PAWR: variants seen among roughly 807,000 people sequenced by gnomAD.
PAWR encodes PRKC apoptosis WT1 regulator protein.
Under a neutral mutation model 32.0 loss-of-function variants are expected in PAWR, and 23 were observed. The ratio of observed to expected loss-of-function variants is 0.72; its 90% confidence interval spans 0.52 to 1.02. The LOEUF is 1.02. Among genes scored for constraint, PAWR ranks in the 50% least tolerant of loss-of-function variants. The pLI, the probability that PAWR is intolerant of heterozygous loss-of-function variation, is 0.00. For missense variants in PAWR, 457 were observed against 437.7 expected (o/e 1.04, Z -0.39); for synonymous variants, 226 against 187.1 (o/e 1.21, Z -1.70).
intron 2 of PAWR, among the ~76,000 whole-genome samples, chr12:79,657,663 G>A (rs11833683): frequency 4.3e-4 from 66 of 152,128 alleles, no homozygotes; most frequent in African/African-American, 1.4e-3. Context: ...GCGTGGTGGC[G>A]GGCGCATGTA....
At chr12:79,623,967 G>A (rs1169274955) in intron 2 of PAWR, among the ~76,000 whole-genome samples, 1 of 151,962 alleles carries the variant, frequency 6.6e-6, no homozygotes, top group Non-Finnish European at 1.5e-5. Flanking sequence ...GGGAGGAGAG[G>A]TCAATCATTT....
At chr12:79,639,885 CCA>C (rs1876228559) in intron 2 of PAWR, among the ~76,000 whole-genome samples, 1 of 77,062 alleles carries the variant, frequency 1.3e-5, no homozygotes, top group Non-Finnish European at 3.4e-5. Context: ...TATTCCTATT[CCA>C]TTCCATTCCA....
intron 2 of PAWR, among the ~76,000 whole-genome samples, chr12:79,648,283 T>A (rs1186507959): frequency 6.6e-6 from 1 of 152,130 alleles, no homozygotes; most frequent in Non-Finnish European, 1.5e-5. Context: ...TCCAAGAAGG[T>A]ACTGTGCCCA....
chr12:79,593,244 T>C (rs965985362), intron 6 of PAWR, among the ~76,000 whole-genome samples: 10 of 152,312 alleles, frequency 6.6e-5, no homozygotes, highest in African/African-American at 2.2e-4. Context: ...AGTATCTTGA[T>C]CTGGATCAAT....
chr12:79,627,920 T>C (rs1233174371), intron 2 of PAWR, among the ~76,000 whole-genome samples: 11 of 152,050 alleles, frequency 7.2e-5, no homozygotes, highest in Non-Finnish European at 1.2e-4. Context: ...TTAACAAGGA[T>C]ACCCAGGAAT....
chr12:79,639,095 T>C (rs1876154116), intron 2 of PAWR, among the ~76,000 whole-genome samples: 1 of 149,542 alleles, frequency 6.7e-6, no homozygotes, highest in Non-Finnish European at 1.5e-5. Context: ...GTATTTTTAG[T>C]AGAGACAGGG....
At chr12:79,613,051 A>G (rs910361784) in intron 4 of PAWR, among the ~76,000 whole-genome samples, 2 of 152,154 alleles carry the variant, frequency 1.3e-5, no homozygotes, top group African/African-American at 4.8e-5. Context: ...TAGTTCCTTT[A>G]TAAAGAAGGG....
intron 2 of PAWR, among the ~76,000 whole-genome samples, chr12:79,639,337 C>A (rs904780926): frequency 2.0e-4 from 31 of 152,164 alleles, no homozygotes; most frequent in Admixed American, 5.2e-4. Flanking sequence ...TTAAAATTTT[C>A]TTGGCTTCTC....
chr12:79,679,303 T>C (rs1878325299), intron 2 of PAWR, among the ~76,000 whole-genome samples: 1 of 152,074 alleles, frequency 6.6e-6, no homozygotes, highest in African/African-American at 2.4e-5. Flanking sequence ...CTGCAGCATA[T>C]GAGAGGAGTG....
chr12:79,625,332 G>A (rs1030763154), intron 2 of PAWR, among the ~76,000 whole-genome samples: 10 of 151,538 alleles, frequency 6.6e-5, no homozygotes, highest in African/African-American at 2.4e-4. Context: ...GAAATGAGGG[G>A]GAAAAAAGCA....
chr12:79,599,515 C>A (rs1437172209), intron 4 of PAWR, among the ~76,000 whole-genome samples: 1 of 152,190 alleles, frequency 6.6e-6, no homozygotes, highest in East Asian at 1.9e-4. Context: ...AAAAGTAAAG[C>A]AAAACTCCAA....
chr12:79,636,257 A>G (rs1050409606), intron 2 of PAWR, among the ~76,000 whole-genome samples: 1 of 152,134 alleles, frequency 6.6e-6, no homozygotes, highest in Non-Finnish European at 1.5e-5. Flanking sequence ...TCAATTTTAT[A>G]AAACAGAATT....
At chr12:79,642,431 G>T (rs1876369909) in intron 2 of PAWR, among the ~76,000 whole-genome samples, 1 of 152,184 alleles carries the variant, frequency 6.6e-6, no homozygotes, top group African/African-American at 2.4e-5. Context: ...GACCAGGTGG[G>T]TTACATCACA....
chr12:79,658,504 T>G (rs1057012244), intron 2 of PAWR, among the ~76,000 whole-genome samples: 1 of 152,180 alleles, frequency 6.6e-6, no homozygotes, highest in Non-Finnish European at 1.5e-5. Flanking sequence ...TAAAAACTTA[T>G]GTTTACATAC....
chr12:79,621,260 G>T, intron 2 of PAWR, 53 bp from the exon 3 acceptor site: 4 of 1,310,296 alleles, frequency 3.1e-6, no homozygotes, highest in African/African-American at 1.5e-5. Flanking sequence ...AGACTGTTTC[G>T]ATAATATGTG....
At chr12:79,604,675 C>T (rs1157290090) in intron 4 of PAWR, 1 of 1,288,740 alleles carries the variant, frequency 7.8e-7, no homozygotes, top group South Asian at 1.2e-5. Context: ...CCAACACTCC[C>T]ACTCCTCGTA....
rs145971034 is a variant in PAWR, at chr12:79,585,330, A to C, written c.*7277T>G. On this transcript the variant is annotated 3_prime_UTR_variant, in exon 7 of 7. Coordinates refer to ENST00000328827, the MANE Select transcript of PAWR (RefSeq NM_002583.4). ...TAAAACAGATTGAGCCCCATCTGCA[A>C]AGTTTGTGACTCAAGTGTTGGGTGG... 1,107 of 242,782 alleles carry C rather than the reference A, an allele frequency of 4.6e-3. 13 individuals are homozygous for C. Among genetic ancestry groups the C allele is most frequent in the African/African-American group, 0.024 (1,030 of 43,168 alleles). 15.0% of individuals were successfully genotyped at this position (242,782 alleles called of 1,614,324 possible). A position where few individuals can be genotyped will look rare whatever the true frequency, so the allele number is the denominator to read the frequency against.
intron 2 of PAWR, among the ~76,000 whole-genome samples, chr12:79,645,835 C>A (rs543341808): frequency 2.0e-4 from 31 of 152,242 alleles, no homozygotes; most frequent in African/African-American, 7.0e-4. Context: ...GGCCAGCTCA[C>A]GGTGATTTGA....
At chr12:79,603,117 A>C (rs1874026272) in intron 4 of PAWR, among the ~76,000 whole-genome samples, 1 of 151,932 alleles carries the variant, frequency 6.6e-6, no homozygotes, top group African/African-American at 2.4e-5. Flanking sequence ...GCATGGTGGC[A>C]TGTTCCTGGA....
Sources: allele counts gnomAD v4.1 joint callset (sites outside exome capture counted in the v4.1 genomes callset), GRCh38; gene constraint gnomAD v4.1.1; transcripts MANE v1.5; gene names NCBI Gene and HGNC (gene_info 2026-07-23, HGNC 2026-07-21).